The following SPAG17 variants were observed in gnomAD, a reference collection of about 807,000 sequenced individuals.
SPAG17 encodes the protein sperm-associated antigen 17.
Under a neutral mutation model 273.6 loss-of-function variants are expected in SPAG17, and 169 were observed. The ratio of observed to expected loss-of-function variants is 0.62; its 90% CI spans 0.55 to 0.70. The LOEUF (loss-of-function observed/expected upper bound fraction) is 0.70. Ranked by LOEUF, SPAG17 falls within the 30% of genes least tolerant of loss-of-function variation. The probability of loss-of-function intolerance (pLI) is 0.00; values close to 1 mark genes in which losing one functional copy is unlikely to be tolerated. For synonymous variants in SPAG17, 825 were observed against 873.2 expected (o/e 0.94, Z 0.97); for missense variants, 2,557 against 2,627.8 (o/e 0.97, Z 0.59).
rs563980015 is a variant in SPAG17 at position 118,069,344 on chromosome 1, C to CAAAAAAA, written c.2386-2452_2386-2446dup. On this transcript the variant is annotated intron_variant, in intron 17 of 48. Coordinates refer to ENST00000336338, the MANE Select transcript of SPAG17 (RefSeq NM_206996.4). ...TAAGCGACAGAGTGAGACTCCGTCTCAAAAAAAAAAAAAAGTGGTGGTAGC... is the reference window on the plus strand; with the variant it reads ...TAAGCGACAGAGTGAGACTCCGTCTCAAAAAAAAAAAAAAAAAAAAAGTGGTGGTAGC... Among the ~76,000 whole-genome samples, 12 of 86,156 alleles carry CAAAAAAA rather than the reference C, an allele frequency of 1.4e-4. 1 individual carries two copies. Among genetic ancestry groups the CAAAAAAA allele is most frequent in the African/African-American group, 6.0e-4 (12 of 20,046 alleles). 56.5% of individuals were successfully genotyped at this position (86,156 alleles called of 152,430 possible). A position where few individuals can be genotyped will look rare whatever the true frequency, so the allele number is the denominator to read the frequency against.
At chr1:118,112,118 CA>C (rs1169854999) in intron 4 of SPAG17, among the ~76,000 whole-genome samples, 2 of 151,538 alleles carry the variant, frequency 1.3e-5, no homozygotes, top group Admixed American at 6.6e-5. Flanking sequence ...GCTTTTTTTT[CA>C]TTTTTTTAAT....
At chr1:117,987,497 A>T (rs1438477454) in intron 40 of SPAG17, among the ~76,000 whole-genome samples, 2 of 152,234 alleles carry the variant, frequency 1.3e-5, no homozygotes, top group Non-Finnish European at 2.9e-5. Flanking sequence ...CTTAGAGCAC[A>T]TTCCTCCTGT....
intron 3 of SPAG17, among the ~76,000 whole-genome samples, chr1:118,137,687 G>T (rs1658440155): frequency 6.6e-6 from 1 of 151,864 alleles, no homozygotes; most frequent in South Asian, 2.1e-4. Flanking sequence ...TGATTTTTTT[G>T]GCCAATCATG....
At chr1:117,975,841 G>T (rs2148031) in intron 43 of SPAG17, among the ~76,000 whole-genome samples, 79,514 of 151,936 alleles carry the variant, frequency 0.52, 21,070 homozygotes, top group South Asian at 0.65. Context: ...TGTGTACTAC[G>T]GCTTTGTGTG....
At chr1:117,964,195 G>T in intron 47 of SPAG17, 12 of 251,904 alleles carry the variant, frequency 4.8e-5, no homozygotes, top group Non-Finnish European at 7.0e-5. Context: ...GGAGCCATCA[G>T]TATGGTCAAG....
intron 3 of SPAG17, among the ~76,000 whole-genome samples, chr1:118,127,221 T>C (rs149695947): frequency 6.6e-6 from 1 of 152,306 alleles, no homozygotes; most frequent in East Asian, 1.9e-4. Flanking sequence ...TTCTGTGTAT[T>C]AGGCCTTTCT....
chr1:118,020,508 A>C (rs1660399843), intron 28 of SPAG17, among the ~76,000 whole-genome samples: 1 of 152,128 alleles, frequency 6.6e-6, no homozygotes, highest in African/African-American at 2.4e-5. Context: ...GAAGATAGAT[A>C]CAATAATTCT....
Position 118,185,221 on chromosome 1 carries a change from AC to A in SPAG17, c.-65del. ...CAGGCCCTGCCTAAGCGTCCCCGCT[AC>A]CACAGTAACCGAAGCCACGCCCAGT... is the stretch of plus-strand genomic sequence containing the variant. On this transcript the variant is annotated 5_prime_UTR_variant, in exon 1 of 49. Transcript: ENST00000336338. The A allele has an allele frequency of 7.5e-7, 1 of 1,327,658 alleles. No homozygotes were observed. The highest frequency in any genetic ancestry group is 1.1e-6 in the Non-Finnish European group (1 of 920,442). 82.2% of individuals were successfully genotyped at this position (1,327,658 alleles called of 1,614,324 possible).
intron 4 of SPAG17, among the ~76,000 whole-genome samples, chr1:118,112,227 C>T (rs1217130445): frequency 6.6e-6 from 1 of 150,718 alleles, no homozygotes; most frequent in Non-Finnish European, 1.5e-5. Context: ...ATATATAATA[C>T]AAAAGTTGAA....
At chr1:118,004,460 TG>T (rs1054541997) in intron 32 of SPAG17, among the ~76,000 whole-genome samples, 14 of 152,350 alleles carry the variant, frequency 9.2e-5, no homozygotes, top group African/African-American at 3.1e-4. Flanking sequence ...TGAGCTGTGG[TG>T]GGCTTTGCCC....
intron 30 of SPAG17, among the ~76,000 whole-genome samples, chr1:118,009,856 G>GGAAAATAAA (rs143171226): frequency 6.6e-6 from 1 of 151,252 alleles, no homozygotes; most frequent in African/African-American, 2.4e-5. Flanking sequence ...GAATAAATAA[G>GGAAAATAAA]GAAAATAAAG....
At chr1:118,158,484 G>A (rs995670311) in intron 1 of SPAG17, among the ~76,000 whole-genome samples, 1 of 152,200 alleles carries the variant, frequency 6.6e-6, no homozygotes, top group South Asian at 2.1e-4. Context: ...GTTGTTTGCT[G>A]GTTGAACTGC....
chr1:118,065,831 A>G (rs1481591676), intron 18 of SPAG17, among the ~76,000 whole-genome samples: 1 of 152,154 alleles, frequency 6.6e-6, no homozygotes, highest in African/African-American at 2.4e-5. Context: ...CTAGAGCAAA[A>G]AAAAAAATTT....
intron 3 of SPAG17, among the ~76,000 whole-genome samples, chr1:118,149,563 C>A (rs187857576): frequency 3.9e-5 from 6 of 152,168 alleles, no homozygotes; most frequent in Non-Finnish European, 8.8e-5. Context: ...GCACAGATAA[C>A]TTTGGCATGA....
rs940727481 is a variant in SPAG17, at chr1:117,994,613, A to T, written c.5054-83T>A. The T allele has an allele frequency of 3.3e-5, 48 of 1,439,866 alleles. 1 individual carries two copies. The highest frequency in any genetic ancestry group is 4.4e-5 in the Admixed American group (2 of 45,378). 89.2% of individuals were successfully genotyped at this position (1,439,866 alleles called of 1,614,324 possible). A position where few individuals can be genotyped will look rare whatever the true frequency, so the allele number is the denominator to read the frequency against. ...GAAAACGCATTGACTAAATTCAACA[A>T]GCTCTTTTTGAACAGACTTAGACAT... On this transcript the variant is annotated intron_variant, in intron 34 of 48. Coordinates refer to ENST00000336338, the MANE Select transcript of SPAG17 (RefSeq NM_206996.4).
At chr1:118,052,898 G>A (rs1651228227) in intron 20 of SPAG17, among the ~76,000 whole-genome samples, 1 of 151,882 alleles carries the variant, frequency 6.6e-6, no homozygotes, top group Non-Finnish European at 1.5e-5. Flanking sequence ...TGTACATAAA[G>A]ATGTTCCCAG....
chr1:117,983,220 C>T (rs551395159), intron 42 of SPAG17, among the ~76,000 whole-genome samples: 59 of 152,188 alleles, frequency 3.9e-4, no homozygotes, highest in Non-Finnish European at 6.9e-4. Flanking sequence ...CATCAGATCT[C>T]ATGAAACTTA....
At chr1:118,155,018 G>GGCTGCTTAGGAAATCAAGTCA (rs1553257035) in intron 1 of SPAG17, among the ~76,000 whole-genome samples, 1 of 152,044 alleles carries the variant, frequency 6.6e-6, no homozygotes, top group Admixed American at 6.6e-5. Flanking sequence ...AAATCAAGTC[G>GGCTGCTTAGGAAATCAAGTCA]GCTGCTTAGG....
intron 18 of SPAG17, among the ~76,000 whole-genome samples, chr1:118,063,266 C>T (rs1020683647): frequency 1.6e-4 from 24 of 152,056 alleles, no homozygotes; most frequent in East Asian, 3.9e-4. Flanking sequence ...AAAAAGAGCC[C>T]GCATCACCAA....
Sources: gnomAD v4.1 joint callset for allele counts (sites outside exome capture counted in the v4.1 genomes callset) on GRCh38, gnomAD v4.1.1 for gene constraint, MANE v1.5 for transcripts, NCBI Gene and HGNC (gene_info 2026-07-23, HGNC 2026-07-21) for gene names.